The following ANK3 variants were observed in gnomAD, a reference collection of about 807,000 sequenced individuals.
ANK3 encodes ankyrin-3.
Under a neutral mutation model 370.9 loss-of-function variants are expected in ANK3, and 57 were observed. The observed-to-expected ratio is 0.15, with a 90% CI of 0.12 to 0.19. The LOEUF (loss-of-function observed/expected upper bound fraction) is 0.19, where lower values mean the gene tolerates loss of function less well. Among genes scored for constraint, ANK3 ranks in the 10% least tolerant of loss-of-function variants. ANK3 has a pLI of 1.00. For synonymous variants in ANK3, 1,929 were observed against 1,946.3 expected, an observed-to-expected ratio of 0.99 and a Z score of 0.23; for missense variants, 4,439 against 5,302.1, an observed-to-expected ratio of 0.84 and a Z score of 5.06.
intron 42 of ANK3, among the ~76,000 whole-genome samples, chr10:60,053,311 A>C (rs2078465928): frequency 6.6e-6 from 1 of 152,210 alleles, no homozygotes; most frequent in South Asian, 2.1e-4. Flanking sequence ...TGTACATGGA[A>C]TCATAAGTTG....
chr10:60,465,068 G>T (rs2064978435), intron 2 of ANK3, among the ~76,000 whole-genome samples: 2 of 151,936 alleles, frequency 1.3e-5, no homozygotes. Flanking sequence ...GGAGTTCGAG[G>T]CCAGCCTGGG....
chr10:60,313,801 C>T (rs1053109966), intron 1 of ANK3, among the ~76,000 whole-genome samples: 1 of 152,166 alleles, frequency 6.6e-6, no homozygotes, highest in Non-Finnish European at 1.5e-5. Flanking sequence ...TAAATCACCT[C>T]TAATTGATGA....
intron 9 of ANK3, among the ~76,000 whole-genome samples, chr10:60,210,831 T>A (rs1400034229): frequency 2.0e-5 from 3 of 152,132 alleles, no homozygotes; most frequent in Non-Finnish European, 2.9e-5. Context: ...AACCTAAGTG[T>A]CTGAAGCAGT....
At chr10:60,107,347 G>A (rs2092295895) in intron 27 of ANK3, among the ~76,000 whole-genome samples, 1 of 152,086 alleles carries the variant, frequency 6.6e-6, no homozygotes, top group Admixed American at 6.5e-5. Flanking sequence ...ATCTTTGCAG[G>A]TTAATATGTC....
At chr10:60,447,038 G>C (rs2133027859) in intron 2 of ANK3, among the ~76,000 whole-genome samples, 1 of 152,288 alleles carries the variant, frequency 6.6e-6, no homozygotes, top group South Asian at 2.1e-4. Context: ...AGTTCCACAA[G>C]TGACAGGAAA....
intron 2 of ANK3, among the ~76,000 whole-genome samples, chr10:60,552,614 C>A (rs953563681): frequency 6.6e-6 from 1 of 152,066 alleles, no homozygotes; most frequent in Non-Finnish European, 1.5e-5. Flanking sequence ...TTTTTATGAA[C>A]CTAGTTTGCT....
chr10:60,070,820 G>A lies in ANK3; in HGVS notation c.10061C>T (p.Ala3354Val). The A allele has an allele frequency of 6.2e-7, 1 of 1,614,124 alleles. No homozygotes were observed. Among genetic ancestry groups the A allele is most frequent in the Non-Finnish European group, 8.5e-7 (1 of 1,180,012 alleles). ...KEKPKASAEK[A>V]SNQKELESNG... ...ACTTTCCAGTTCTTTCTGGTTGGAA[G>A]CCTTTTCAGCAGAAGCTTTGGGTTT... Residue 3354 changes from alanine to valine, a missense_variant, in exon 37 of 44, where the codon GCT (alanine) becomes GTT (valine). Transcript: ENST00000280772. This position sits in a 1 kb window ranked among gnomAD's most constrained non-coding sequence, Gnocchi z 5.7.
chr10:60,412,807 C>T (rs1365615094), intron 2 of ANK3, among the ~76,000 whole-genome samples: 1 of 152,174 alleles, frequency 6.6e-6, no homozygotes, highest in Admixed American at 6.5e-5. Flanking sequence ...TAATGACAAT[C>T]AGAACTTTCT....
chr10:60,277,792 A>G (rs989374425), intron 4 of ANK3, among the ~76,000 whole-genome samples: 3 of 152,210 alleles, frequency 2.0e-5, no homozygotes, highest in Admixed American at 6.5e-5. Context: ...TTTGTTCTGC[A>G]ATCAATTTGT....
intron 2 of ANK3, among the ~76,000 whole-genome samples, chr10:60,602,614 G>A (rs1435659002): frequency 2.6e-5 from 4 of 152,008 alleles, no homozygotes; most frequent in African/African-American, 9.7e-5. Context: ...TGGGATATAT[G>A]GACCCCTCCA....
chr10:60,276,560 A>G (rs1471695307), intron 4 of ANK3, among the ~76,000 whole-genome samples: 1 of 152,236 alleles, frequency 6.6e-6, no homozygotes, highest in Non-Finnish European at 1.5e-5. Flanking sequence ...TCCGAGCACA[A>G]CTGTAAGTAA....
At chr10:60,478,496 T>C (rs1449912932) in intron 2 of ANK3, among the ~76,000 whole-genome samples, 3 of 152,032 alleles carry the variant, frequency 2.0e-5, no homozygotes, top group Non-Finnish European at 2.9e-5. Flanking sequence ...TTAAAGACAA[T>C]TGAGATGAAA....
intron 2 of ANK3, among the ~76,000 whole-genome samples, chr10:60,420,900 T>A (rs7073249): frequency 0.36 from 55,335 of 151,986 alleles, 10,404 homozygotes; most frequent in South Asian, 0.42. Flanking sequence ...AGATACTTAC[T>A]TGTGAAATAT....
intron 2 of ANK3, among the ~76,000 whole-genome samples, chr10:60,476,611 A>G (rs2075071710): frequency 6.6e-6 from 1 of 152,194 alleles, no homozygotes; most frequent in Admixed American, 6.6e-5. Context: ...TAAGGGGGCA[A>G]CTTCCAAAAT....
In ANK3 at chr10:60,075,094, G is replaced by A. The variant is rs749828001; in HGVS notation, c.5787C>T (p.Phe1929=). 10 of 1,614,022 alleles carry A rather than the reference G, an allele frequency of 6.2e-6. No individual in the cohort carries two copies. In the East Asian group the frequency reaches 2.2e-4, roughly 36 times the overall value. Residue 1929 remains phenylalanine, a synonymous_variant, in exon 37 of 44, where the codon TTC becomes TTT. Transcript: ENST00000280772. ...TCCCTTCCTTTGGGAGTTCAGGTTGGAATGGCTTCTCCTCAGGCACATCTG... is the reference window on the plus strand; with the variant it reads ...TCCCTTCCTTTGGGAGTTCAGGTTGAAATGGCTTCTCCTCAGGCACATCTG... ...LQTDVPEEKP[F]QPELPKEGRI...
chr10:60,704,585 G>A (rs1382614970), intron 1 of ANK3, among the ~76,000 whole-genome samples: 1 of 152,092 alleles, frequency 6.6e-6, no homozygotes, highest in Admixed American at 6.5e-5. Flanking sequence ...AAAACCTAAA[G>A]AATTTTAATA....
intron 23 of ANK3, chr10:60,140,432 T>A: frequency 6.2e-7 from 1 of 1,613,062 alleles, no homozygotes. Context: ...AGCAGTGATT[T>A]AGAATCAACC....
chr10:60,224,047 A>T (rs2097101428), intron 8 of ANK3, among the ~76,000 whole-genome samples: 1 of 152,064 alleles, frequency 6.6e-6, no homozygotes, highest in South Asian at 2.1e-4. Context: ...ACCAAAAAGC[A>T]GTTTTTCAAC....
At position 60,648,767 on chromosome 10, in the gene ANK3, TA is replaced by T. The variant is rs796546062; in HGVS notation, c.58-33544del. ...CCTGGGTGACAGAATAAGACTGTCT[TA>T]AAAAAAAAAAAAAAAAATTCTTGCT... is the stretch of plus-strand genomic sequence containing the variant. On this transcript the variant is annotated intron_variant, in intron 1 of 43. Coordinates refer to the ANK3 transcript ENST00000373827. Among the ~76,000 whole-genome samples, 332 of 112,234 alleles carry T rather than the reference TA, an allele frequency of 3.0e-3. 3 individuals carry two copies. Among genetic ancestry groups the T allele is most frequent in the Middle Eastern group, 0.011 (2 of 178 alleles). 73.6% of individuals were successfully genotyped at this position (112,234 alleles called of 152,430 possible).
Sources: gnomAD v4.1 joint callset for allele counts (sites outside exome capture counted in the v4.1 genomes callset) on GRCh38, gnomAD v4.1.1 for gene constraint, Gnocchi (gnomAD v3.1) non-coding constraint, MANE v1.5 for transcripts, NCBI Gene and HGNC (gene_info 2026-07-23, HGNC 2026-07-21) for gene names.